XIST: variants seen among roughly 807,000 people sequenced by gnomAD.
The protein encoded by XIST is X inactive specific transcript.
At chrX:73,845,743 C>T (rs772722464) in exon 1 of XIST, 1 of 547,956 alleles carries the variant, frequency 1.8e-6, no homozygotes, top group South Asian at 2.2e-5. Flanking sequence ...TATAATTGTG[C>T]ACCTTGATTG....
At chrX:73,841,061 C>T (rs1337836577) in intron 1 of XIST, among the ~76,000 whole-genome samples, 4 of 111,556 alleles carry the variant, frequency 3.6e-5, no homozygotes, top group Non-Finnish European at 1.9e-5. Context: ...TTCAAATGTG[C>T]TCACATTAGC....
At chrX:73,826,537 C>T (rs547118505) in exon 6 of XIST, 8 of 558,967 alleles carry the variant, frequency 1.4e-5, no homozygotes, top group South Asian at 2.2e-5. Flanking sequence ...TAACCGGCAA[C>T]ATCAAAAAGT....
intron 2 of XIST, among the ~76,000 whole-genome samples, chrX:73,835,060 G>C (rs1160332819): frequency 9.0e-6 from 1 of 110,774 alleles, no homozygotes; most frequent in African/African-American, 3.3e-5. Flanking sequence ...CCCAGAAGAT[G>C]AAACTACCTC....
At chrX:73,824,305 T>G in exon 6 of XIST, 1 of 516,615 alleles carries the variant, frequency 1.9e-6, no homozygotes, top group African/African-American at 2.3e-5. Context: ...TATTCAAATT[T>G]TCCTACTTTA....
intron 5 of XIST, chrX:73,828,777 C>T (rs1922318849): frequency 5.6e-6 from 1 of 178,036 alleles, no homozygotes; most frequent in Admixed American, 7.5e-5. Flanking sequence ...GTGTTTTAAG[C>T]TTCTCAACGT....
chrX:73,849,470 G>A (rs768786080), exon 1 of XIST: 1 of 558,775 alleles, frequency 1.8e-6, no homozygotes, highest in East Asian at 3.2e-5. Context: ...CTCAAAATTG[G>A]GACTGTGACT....
At position 73,821,535 on chromosome X, in the gene XIST, T is replaced by A. The variant is rs376295978; in HGVS notation, n.18366A>T. On this transcript the variant is annotated non_coding_transcript_exon_variant, in exon 6 of 6. Transcript: ENST00000429829. The stretch of plus-strand genomic sequence containing the variant: ...AAGCAAACTAGTGAGGACAAAGGAT[T>A]TTGTCCTCATCTCAACAATGATCAG... 11 of 556,826 alleles carry A rather than the reference T, an allele frequency of 2.0e-5. No individual in the cohort carries two copies. In the African/African-American group the frequency reaches 2.4e-4, roughly 12 times the overall value. 45.9% of individuals were successfully genotyped at this position (556,826 alleles called of 1,213,427 possible). A position where few individuals can be genotyped will look rare whatever the true frequency, so the allele number is the denominator to read the frequency against.
exon 1 of XIST, chrX:73,848,468 A>T (rs749595326): frequency 3.6e-6 from 2 of 558,373 alleles, no homozygotes; most frequent in African/African-American, 4.4e-5. Flanking sequence ...ATACAAAGGG[A>T]GTGGAAGGGT....
chrX:73,837,172 G>T (rs1207688887), intron 2 of XIST, among the ~76,000 whole-genome samples: 1 of 111,377 alleles, frequency 9.0e-6, no homozygotes, highest in African/African-American at 3.3e-5. Context: ...ATTTTACGCT[G>T]GAGAAACCTG....
chrX:73,826,265 G>T, exon 6 of XIST: 1 of 558,705 alleles, frequency 1.8e-6, no homozygotes, highest in South Asian at 2.2e-5. Flanking sequence ...CCAACAACCT[G>T]ACCATTTTAT....
exon 1 of XIST, chrX:73,845,878 C>T (rs1271725038): frequency 1.8e-6 from 1 of 555,600 alleles, no homozygotes; most frequent in Non-Finnish European, 3.2e-6. Context: ...CAAATATAAT[C>T]ACGCACATAA....
rs773470749 is a variant in XIST, at chrX:73,837,484, G to A, written n.11362C>T. On this transcript the variant is annotated non_coding_transcript_exon_variant, in exon 2 of 6. Transcript: ENST00000429829. ...CATGACTACTAAGGACACATGCAGC[G>A]TGGTATCTTCAATGGGATCCTGGAA... 1.9e-4 allele frequency: 96 copies of A among 508,416 alleles called. 1 individual carries two copies. The South Asian group carries it at 2.3e-3, about 12-fold the overall frequency. 41.9% of individuals were successfully genotyped at this position (508,416 alleles called of 1,213,427 possible).
At chrX:73,849,488 C>G in exon 1 of XIST, 1 of 558,649 alleles carries the variant, frequency 1.8e-6, no homozygotes, top group Non-Finnish European at 3.2e-6. Context: ...ACTACAGAAG[C>G]AATGACAGAG....
At chrX:73,832,982 A>G (rs1016627816) in intron 3 of XIST, among the ~76,000 whole-genome samples, 3 of 110,994 alleles carry the variant, frequency 2.7e-5, no homozygotes, top group Non-Finnish European at 5.7e-5. Context: ...CCTGGGCTCA[A>G]GCAATCCTGC....
exon 6 of XIST, chrX:73,824,545 C>T (rs1181614445): frequency 3.6e-6 from 2 of 552,404 alleles, no homozygotes; most frequent in Non-Finnish European, 6.5e-6. Context: ...GTATTTAAAC[C>T]CTTGGTTTGT....
At chrX:73,830,953 A>G in intron 4 of XIST, 1 of 457,362 alleles carries the variant, frequency 2.2e-6, no homozygotes, top group Non-Finnish European at 3.9e-6. Context: ...TTACCAAATC[A>G]TATGCAGAAT....
exon 1 of XIST, chrX:73,843,651 T>TG: frequency 3.6e-6 from 2 of 558,567 alleles, no homozygotes; most frequent in Non-Finnish European, 6.5e-6. Context: ...ATCATCCCCC[T>TG]GCTCTAAAGC....
intron 2 of XIST, chrX:73,833,466 G>A (rs1922424401): frequency 2.1e-6 from 1 of 466,430 alleles, no homozygotes; most frequent in South Asian, 3.7e-5. Context: ...AACCTAGGAA[G>A]TATAAACTGA....
exon 1 of XIST, chrX:73,843,032 G>A (rs1156444760): frequency 1.8e-6 from 1 of 556,643 alleles, no homozygotes; most frequent in Non-Finnish European, 3.2e-6. Flanking sequence ...TGATAGACAA[G>A]TGCATGGAAT....
Sources: gnomAD v4.1 joint callset for allele counts (sites outside exome capture counted in the v4.1 genomes callset) on GRCh38, gnomAD v4.1.1 for gene constraint, MANE v1.5 for transcripts, NCBI Gene and HGNC (gene_info 2026-07-23, HGNC 2026-07-21) for gene names.